Variants in CASD1 observed in about 807,000 individuals in gnomAD.
CASD1 encodes the protein CAS1 domain sialic acid O acetyltransferase 1.
CASD1 carries 41 observed loss-of-function variants against 100.0 expected under a neutral mutation model. The ratio of observed to expected loss-of-function variants is 0.41; its 90% CI spans 0.32 to 0.53. The LOEUF (loss-of-function observed/expected upper bound fraction) is 0.53, where lower values mean the gene tolerates loss of function less well. CASD1 is among the 20% of genes least tolerant of loss of function. CASD1 has a pLI of 0.25. For missense variants in CASD1, 774 were observed against 948.7 expected, an observed-to-expected ratio of 0.82 and a Z score of 2.42; for synonymous variants, 321 against 315.6, an observed-to-expected ratio of 1.02 and a Z score of -0.18.
At chr7:94,517,230 T>A (rs1175266052) in intron 1 of CASD1, among the ~76,000 whole-genome samples, 1 of 152,086 alleles carries the variant, frequency 6.6e-6, no homozygotes, top group Non-Finnish European at 1.5e-5. Flanking sequence ...TTCTCAGCTA[T>A]AAGTAGGGGA....
the CASD1 span, among the ~76,000 whole-genome samples, chr7:94,565,073 A>G: frequency 1.3e-5 from 2 of 151,662 alleles, no homozygotes; most frequent in East Asian, 1.9e-4. Context: ...CTGCCCATCT[A>G]TTTTTCCCCT....
chr7:94,554,342 C>A, intron 16 of CASD1, 141 bp from the exon 17 acceptor site: 1 of 563,444 alleles, frequency 1.8e-6, no homozygotes, highest in Non-Finnish European at 3.1e-6. Flanking sequence ...CTTTCTAATA[C>A]TTTTAGAATA....
chr7:94,617,024 G>GT, the CASD1 span: 3 of 152,196 alleles, frequency 2.0e-5, no homozygotes, highest in African/African-American at 7.2e-5. Flanking sequence ...CCTCTAGCAG[G>GT]TGTTGGGTGT....
chr7:94,510,073 G>C lies in CASD1; in HGVS notation c.-12G>C, dbSNP rs1379976869. On this transcript the variant is annotated 5_prime_UTR_variant, in exon 1 of 18. It removes an upstream start codon present in the reference 5' UTR. Coordinates refer to ENST00000297273, the MANE Select transcript of CASD1 (RefSeq NM_022900.5). Reference sequence around the variant, plus strand: ...CCGCTCCGCCGCGCACTGTTGTCATGGAGGAACCAAGATGGCGGCTCTGGC... The same window carrying C: ...CCGCTCCGCCGCGCACTGTTGTCATCGAGGAACCAAGATGGCGGCTCTGGC... 1 of 1,512,966 alleles carries C rather than the reference G, an allele frequency of 6.6e-7. No homozygotes were observed. Among genetic ancestry groups the C allele is most frequent in the Non-Finnish European group, 8.9e-7 (1 of 1,128,086 alleles). 93.7% of individuals were successfully genotyped at this position (1,512,966 alleles called of 1,614,324 possible). A position where few individuals can be genotyped will look rare whatever the true frequency, so the allele number is the denominator to read the frequency against.
chr7:94,596,435 C>T, the CASD1 span, among the ~76,000 whole-genome samples: 10 of 152,076 alleles, frequency 6.6e-5, no homozygotes, highest in Non-Finnish European at 1.2e-4. Context: ...CTCATTATAA[C>T]TAGTTTTCTA....
chr7:94,574,155 C>T, the CASD1 span, among the ~76,000 whole-genome samples: 6 of 152,114 alleles, frequency 3.9e-5, no homozygotes, highest in Non-Finnish European at 5.9e-5. Context: ...ATTTTTGCAT[C>T]AATATTCATC....
At chr7:94,623,881 C>T in the CASD1 span, 90 of 356,260 alleles carry the variant, frequency 2.5e-4, 1 homozygote, top group East Asian at 3.6e-3. Context: ...TCATAAATAA[C>T]CCTTTGGAAA....
At chr7:94,624,486 C>G in the CASD1 span, 1 of 342,624 alleles carries the variant, frequency 2.9e-6, no homozygotes, top group African/African-American at 2.1e-5. Context: ...AAGAACCTCT[C>G]TCTCCAGGAT....
chr7:94,554,921 AT>A (rs1796130118), intron 17 of CASD1, among the ~76,000 whole-genome samples: 1 of 151,980 alleles, frequency 6.6e-6, no homozygotes, highest in Non-Finnish European at 1.5e-5. Context: ...GGGGATTTTG[AT>A]TTTTTGTTCA....
the CASD1 span, chr7:94,627,983 G>T: frequency 4.0e-6 from 2 of 502,522 alleles, no homozygotes; most frequent in South Asian, 3.0e-5. Flanking sequence ...CACAAATTTA[G>T]ACTGTCATTT....
At chr7:94,541,098 C>T (rs1288319717) in intron 10 of CASD1, among the ~76,000 whole-genome samples, 1 of 151,992 alleles carries the variant, frequency 6.6e-6, no homozygotes, top group Non-Finnish European at 1.5e-5. Flanking sequence ...TTTTCACTAA[C>T]AGATCATTTA....
the CASD1 span, chr7:94,603,316 A>T: frequency 4.7e-5 from 75 of 1,612,412 alleles, no homozygotes; most frequent in Non-Finnish European, 5.9e-5. Context: ...CAGTCAATGT[A>T]AAATTGAGTA....
At chr7:94,560,485 A>T (rs10253726), downstream of CASD1, among the ~76,000 whole-genome samples, 80,326 of 151,998 alleles carry the variant, frequency 0.53, 22,015 homozygotes, top group South Asian at 0.73. Context: ...CTACAAAATT[A>T]AAAATGGAAA....
At chr7:94,578,322 A>G in the CASD1 span, among the ~76,000 whole-genome samples, 4 of 152,192 alleles carry the variant, frequency 2.6e-5, no homozygotes, top group Non-Finnish European at 4.4e-5. Context: ...ATCAAAGTCT[A>G]TAAGACTAAT....
chr7:94,630,343 T>C, the CASD1 span, among the ~76,000 whole-genome samples: 1 of 151,838 alleles, frequency 6.6e-6, no homozygotes, highest in Non-Finnish European at 1.5e-5. Flanking sequence ...TATCAATACA[T>C]GTAATGCGGT....
intron 4 of CASD1, among the ~76,000 whole-genome samples, chr7:94,527,599 G>A (rs943301188): frequency 2.0e-5 from 3 of 152,198 alleles, no homozygotes; most frequent in Admixed American, 6.5e-5. Flanking sequence ...GGGGCAATGG[G>A]AATGTGCAGA....
chr7:94,614,932 T>G, the CASD1 span, among the ~76,000 whole-genome samples: 1 of 152,210 alleles, frequency 6.6e-6, no homozygotes, highest in Non-Finnish European at 1.5e-5. Flanking sequence ...TTGACTTCAT[T>G]TGTTTTTTTG....
chr7:94,533,347 T>G, intron 6 of CASD1, 98 bp downstream of exon 6: 2 of 913,782 alleles, frequency 2.2e-6, no homozygotes, highest in Non-Finnish European at 3.3e-6. Flanking sequence ...TGATTGTACC[T>G]AAATTTTTAA....
chr7:94,541,537 GTTTTTTTTTTTTTTTT>G (rs56786123), intron 10 of CASD1, among the ~76,000 whole-genome samples: 1 of 60,116 alleles, frequency 1.7e-5, no homozygotes, highest in South Asian at 1.1e-3. Flanking sequence ...TGTTCCACTG[GTTTTTTTTTTTTTTTT>G]TTTTTTTTTT....
Sources: gnomAD v4.1 joint callset for allele counts (sites outside exome capture counted in the v4.1 genomes callset) on GRCh38, gnomAD v4.1.1 for gene constraint, MANE v1.5 for transcripts, NCBI Gene and HGNC (gene_info 2026-07-23, HGNC 2026-07-21) for gene names.